Variants in NKAIN3 observed in about 807,000 individuals in gnomAD.
NKAIN3 encodes sodium/potassium transporting ATPase interacting 3, also known as sodium/potassium-transporting ATPase subunit beta-1-interacting protein 3.
In NKAIN3, 25 loss-of-function variants were observed where a neutral mutation model predicts 30.2. The ratio of observed to expected loss-of-function variants is 0.83; its 90% CI spans 0.60 to 1.16. The LOEUF (loss-of-function observed/expected upper bound fraction) is 1.16. Among genes scored for constraint, NKAIN3 ranks in the 50% most tolerant of loss-of-function variants. The pLI is 0.00. For missense variants in NKAIN3, 225 were observed against 254.1 expected, an observed-to-expected ratio of 0.89 and a Z score of 0.78; for synonymous variants, 91 against 89.6, an observed-to-expected ratio of 1.02 and a Z score of -0.09.
intron 1 of NKAIN3, among the ~76,000 whole-genome samples, chr8:62,338,616 G>GT (rs1815642013): frequency 6.6e-6 from 1 of 151,896 alleles, no homozygotes; most frequent in Non-Finnish European, 1.5e-5. Flanking sequence ...AGAGAGGGGA[G>GT]TTTATTAAGT....
chr8:62,500,677 C>G (rs1050852979), intron 1 of NKAIN3, among the ~76,000 whole-genome samples: 1 of 152,026 alleles, frequency 6.6e-6, no homozygotes, highest in Non-Finnish European at 1.5e-5. Context: ...GTATTTGACA[C>G]CTTTGTGGAG....
At chr8:62,711,971 G>T (rs1258478294) in intron 3 of NKAIN3, among the ~76,000 whole-genome samples, 1 of 152,180 alleles carries the variant, frequency 6.6e-6, no homozygotes, top group African/African-American at 2.4e-5. Context: ...TATGGATGTG[G>T]CTTCCTGTGA....
chr8:62,872,493 G>A, intron 4 of NKAIN3, among the ~76,000 whole-genome samples: 1 of 152,224 alleles, frequency 6.6e-6, no homozygotes, highest in East Asian at 1.9e-4. Context: ...AGCTGAAAGT[G>A]CAAATGCAGG....
intron 3 of NKAIN3, among the ~76,000 whole-genome samples, chr8:62,633,744 A>G (rs1812037991): frequency 6.6e-6 from 1 of 152,158 alleles, no homozygotes; most frequent in Admixed American, 6.5e-5. Context: ...TTGAAGGCCA[A>G]CGTGTCTCAC....
At chr8:62,784,505 T>A (rs997788783) in intron 4 of NKAIN3, among the ~76,000 whole-genome samples, 9 of 151,970 alleles carry the variant, frequency 5.9e-5, no homozygotes, top group African/African-American at 1.9e-4. Flanking sequence ...TATGAGCAAC[T>A]GTATGCCAAT....
chr8:62,300,203 T>C (rs1304546464), intron 1 of NKAIN3, among the ~76,000 whole-genome samples: 1 of 152,010 alleles, frequency 6.6e-6, no homozygotes, highest in Non-Finnish European at 1.5e-5. Flanking sequence ...TTCTAAGAGG[T>C]GGCCACGGGA....
At chr8:62,615,070 G>T (rs1811410209) in intron 3 of NKAIN3, among the ~76,000 whole-genome samples, 1 of 152,094 alleles carries the variant, frequency 6.6e-6, no homozygotes, top group Non-Finnish European at 1.5e-5. Context: ...AGCAGAAGGA[G>T]TTTCGCCCCA....
chr8:62,638,872 A>G (rs1812217515), intron 3 of NKAIN3, among the ~76,000 whole-genome samples: 1 of 151,978 alleles, frequency 6.6e-6, no homozygotes, highest in Admixed American at 6.6e-5. Flanking sequence ...GGGCTTGACA[A>G]TCTCTGTGCT....
chr8:62,443,834 A>C (rs1805404449), intron 1 of NKAIN3, among the ~76,000 whole-genome samples: 1 of 152,026 alleles, frequency 6.6e-6, no homozygotes, highest in South Asian at 2.1e-4. Context: ...TTTTAGAACA[A>C]TTTCTAAAAA....
chr8:62,331,828 A>G (rs998210728), intron 1 of NKAIN3, among the ~76,000 whole-genome samples: 1 of 152,136 alleles, frequency 6.6e-6, no homozygotes, highest in African/African-American at 2.4e-5. Context: ...ACCGCTTTGT[A>G]TTAATACTTT....
At chr8:62,349,652 G>T (rs1816121525) in intron 1 of NKAIN3, among the ~76,000 whole-genome samples, 1 of 152,136 alleles carries the variant, frequency 6.6e-6, no homozygotes. Context: ...ACTAGTCGGG[G>T]TCCATCTGGA....
chr8:62,989,325 G>A (rs370755035), downstream of NKAIN3, among the ~76,000 whole-genome samples: 11 of 152,248 alleles, frequency 7.2e-5, no homozygotes, highest in South Asian at 1.9e-3. Flanking sequence ...ACCTGAGAGT[G>A]GGTAATTTAT....
chr8:62,728,595 G>A (rs1455567470), intron 3 of NKAIN3, among the ~76,000 whole-genome samples: 2 of 152,092 alleles, frequency 1.3e-5, no homozygotes, highest in Admixed American at 6.5e-5. Flanking sequence ...AACCCAGGAG[G>A]CGGAGGTTGC....
At chr8:62,858,243 C>CG (rs1200258874) in intron 4 of NKAIN3, among the ~76,000 whole-genome samples, 2 of 151,434 alleles carry the variant, frequency 1.3e-5, no homozygotes, top group African/African-American at 2.4e-5. Context: ...AGCTCCATCC[C>CG]GGGGGGTACG....
chr8:62,308,259 C>T (rs1814318242), intron 1 of NKAIN3, among the ~76,000 whole-genome samples: 1 of 150,358 alleles, frequency 6.7e-6, no homozygotes, highest in African/African-American at 2.5e-5. Context: ...CATCCTCTGC[C>T]ACTCCTCCCT....
chr8:62,851,883 G>T (rs1447069177), intron 4 of NKAIN3, among the ~76,000 whole-genome samples: 2 of 151,998 alleles, frequency 1.3e-5, no homozygotes, highest in African/African-American at 4.8e-5. Flanking sequence ...GATTTTTGCA[G>T]CAATGTTCAT....
intron 3 of NKAIN3, among the ~76,000 whole-genome samples, chr8:62,684,663 A>G (rs1813741083): frequency 6.6e-6 from 1 of 152,232 alleles, no homozygotes; most frequent in South Asian, 2.1e-4. Context: ...CAAAACTACT[A>G]TGTTGAAGCC....
chr8:62,627,980 C>G lies in NKAIN3; in HGVS notation c.273+38186C>G, dbSNP rs372907656. On this transcript the variant is annotated intron_variant, in intron 3 of 6. Coordinates refer to ENST00000623646, the MANE Select transcript of NKAIN3 (RefSeq NM_001304533.3). ...ATCCTTCATCCAACAGGCCTTCTTC[C>G]TGGCACTCAGTAAATGGAGTCCATT... Among the ~76,000 whole-genome samples the G allele has an allele frequency of 1.1e-4, 17 of 152,244 alleles. No homozygotes were observed. In the South Asian group the frequency reaches 2.1e-3, roughly 19 times the overall value.
intron 3 of NKAIN3, among the ~76,000 whole-genome samples, chr8:62,726,139 A>G (rs1293044302): frequency 1.3e-5 from 2 of 151,960 alleles, no homozygotes; most frequent in Non-Finnish European, 2.9e-5. Flanking sequence ...TTTTCAGTTT[A>G]TTTGCTGTTG....
Sources: allele counts gnomAD v4.1 joint callset (sites outside exome capture counted in the v4.1 genomes callset), GRCh38; gene constraint gnomAD v4.1.1; transcripts MANE v1.5; gene names NCBI Gene and HGNC (gene_info 2026-07-23, HGNC 2026-07-21).